SGMS1: variants seen among roughly 807,000 people sequenced by gnomAD.
SGMS1 encodes the protein sphingomyelin synthase 1.
SGMS1 carries 13 observed loss-of-function variants against 46.2 expected under a neutral mutation model. The ratio of observed to expected loss-of-function variants is 0.28; its 90% CI spans 0.18 to 0.45. The LOEUF (loss-of-function observed/expected upper bound fraction) is 0.45. SGMS1 is among the 20% of genes least tolerant of loss of function. SGMS1 has a pLI of 1.00. For synonymous variants in SGMS1, 203 were observed against 187.8 expected, an observed-to-expected ratio of 1.08 and a Z score of -0.66; for missense variants, 324 against 519.9, an observed-to-expected ratio of 0.62 and a Z score of 3.66.
At chr10:50,594,298 T>G (rs1461085199) in intron 1 of SGMS1, among the ~76,000 whole-genome samples, 1 of 152,150 alleles carries the variant, frequency 6.6e-6, no homozygotes, top group African/African-American at 2.4e-5. Flanking sequence ...TGGGTATAAG[T>G]CAAATTTGAT....
chr10:50,510,077 C>T (rs1301129015), intron 3 of SGMS1, among the ~76,000 whole-genome samples: 1 of 152,150 alleles, frequency 6.6e-6, no homozygotes, highest in Non-Finnish European at 1.5e-5. Flanking sequence ...ATCACATGCT[C>T]CTGGCAGTCA....
chr10:50,583,590 G>GT (rs1248136814), intron 2 of SGMS1, among the ~76,000 whole-genome samples: 1 of 152,206 alleles, frequency 6.6e-6, no homozygotes, highest in Non-Finnish European at 1.5e-5. Flanking sequence ...GAAGCTGCTA[G>GT]AAGTCTCCAT....
At chr10:50,404,518 GC>G (rs929014430) in intron 6 of SGMS1, among the ~76,000 whole-genome samples, 1 of 152,048 alleles carries the variant, frequency 6.6e-6, no homozygotes, top group African/African-American at 2.4e-5. Flanking sequence ...AGCGAGCATT[GC>G]TTGAGCCCAC....
chr10:50,500,174 AAACT>A (rs367770169), intron 3 of SGMS1, among the ~76,000 whole-genome samples: 1 of 152,292 alleles, frequency 6.6e-6, no homozygotes, highest in Non-Finnish European at 1.5e-5. Flanking sequence ...TCTCAAAAAC[AAACT>A]AACAAACAAA....
intron 7 of SGMS1, chr10:50,335,033 C>T (rs1188395749): frequency 2.0e-5 from 3 of 152,040 alleles, no homozygotes; most frequent in Admixed American, 6.6e-5. Context: ...GGGAGGACCT[C>T]GTAGGTCACC....
At chr10:50,583,968 T>A (rs1159733314) in intron 2 of SGMS1, among the ~76,000 whole-genome samples, 1 of 152,208 alleles carries the variant, frequency 6.6e-6, no homozygotes, top group African/African-American at 2.4e-5. Flanking sequence ...ACAAGGAATC[T>A]GGCCTATCAA....
chr10:50,591,039 A>G (rs984257781), intron 1 of SGMS1, among the ~76,000 whole-genome samples: 11 of 152,200 alleles, frequency 7.2e-5, no homozygotes, highest in African/African-American at 2.4e-4. Flanking sequence ...AAAGGTATTC[A>G]GATCCAATCT....
chr10:50,368,887 A>G (rs1047629856), intron 6 of SGMS1, among the ~76,000 whole-genome samples: 2 of 152,198 alleles, frequency 1.3e-5, no homozygotes, highest in Non-Finnish European at 2.9e-5. Flanking sequence ...TAAATACTTT[A>G]CTCTTAGAAA....
intron 6 of SGMS1, among the ~76,000 whole-genome samples, chr10:50,384,878 A>G (rs1848660367): frequency 6.6e-6 from 1 of 152,208 alleles, no homozygotes; most frequent in African/African-American, 2.4e-5. Flanking sequence ...GATCAAAACC[A>G]AGGAATTAAC....
At chr10:50,461,127 A>G (rs1055959645) in intron 4 of SGMS1, among the ~76,000 whole-genome samples, 2 of 152,206 alleles carry the variant, frequency 1.3e-5, no homozygotes, top group African/African-American at 2.4e-5. Flanking sequence ...CTCCTTTTAT[A>G]TATTTATCTA....
chr10:50,454,050 CAAAAAA>C (rs71846628), intron 5 of SGMS1, among the ~76,000 whole-genome samples: 4 of 98,016 alleles, frequency 4.1e-5, no homozygotes, highest in African/African-American at 1.1e-4. Context: ...TTTACATAGG[CAAAAAA>C]AAAAAAAAAA....
intron 3 of SGMS1, among the ~76,000 whole-genome samples, chr10:50,501,202 C>T (rs1461184930): frequency 1.3e-5 from 2 of 152,140 alleles, no homozygotes; most frequent in Admixed American, 6.5e-5. Flanking sequence ...GCCCCCTAAT[C>T]CTACTTGGAG....
chr10:50,436,174 G>A (rs1218291351), intron 5 of SGMS1, among the ~76,000 whole-genome samples: 3 of 151,960 alleles, frequency 2.0e-5, no homozygotes, highest in African/African-American at 4.8e-5. Flanking sequence ...GCACTATCTC[G>A]GCTCACTGCA....
chr10:50,539,608 T>G (rs1838034466), intron 2 of SGMS1, among the ~76,000 whole-genome samples: 1 of 152,228 alleles, frequency 6.6e-6, no homozygotes, highest in African/African-American at 2.4e-5. Context: ...TCTCAAATTC[T>G]GATTCAGTAA....
At chr10:50,515,224 C>G (rs1837790863) in intron 3 of SGMS1, among the ~76,000 whole-genome samples, 1 of 152,188 alleles carries the variant, frequency 6.6e-6, no homozygotes, top group South Asian at 2.1e-4. Context: ...GACACAGGAA[C>G]ACTGCTCTGG....
chr10:50,464,855 A>G (rs1837311307), intron 4 of SGMS1, among the ~76,000 whole-genome samples: 1 of 152,228 alleles, frequency 6.6e-6, no homozygotes, highest in Non-Finnish European at 1.5e-5. Context: ...GGAGGGAGTT[A>G]GAACCCCAGA....
chr10:50,459,730 T>C (rs1307099037), intron 5 of SGMS1, among the ~76,000 whole-genome samples: 1 of 152,150 alleles, frequency 6.6e-6, no homozygotes, highest in Non-Finnish European at 1.5e-5. Context: ...AAAACTCTGC[T>C]TCAAAAAGGG....
intron 1 of SGMS1, among the ~76,000 whole-genome samples, chr10:50,598,220 G>T (rs1160917136): frequency 6.6e-6 from 1 of 151,916 alleles, no homozygotes; most frequent in East Asian, 1.9e-4. Context: ...ACAGGACAGA[G>T]AGAGATGACT....
At position 50,544,278 on chromosome 10, in the gene SGMS1, G is replaced by A. The variant is rs1383206301; in HGVS notation, c.-588-24357C>T. Among the ~76,000 whole-genome samples, 5 of 152,142 alleles carry A rather than the reference G, an allele frequency of 3.3e-5. No individual in the cohort carries two copies. The East Asian group carries it at 9.6e-4, about 29-fold the overall frequency. ...GATGAGGAAACTGAAGCCCAGAAAG[G>A]TAAAGTAAGGTGACTAAGTCACACA... is the stretch of plus-strand genomic sequence containing the variant. On this transcript the variant is annotated intron_variant, in intron 2 of 10. Coordinates refer to ENST00000361781, the MANE Select transcript of SGMS1 (RefSeq NM_147156.4).
Sources: gnomAD v4.1 joint callset for allele counts (sites outside exome capture counted in the v4.1 genomes callset) on GRCh38, gnomAD v4.1.1 for gene constraint, MANE v1.5 for transcripts, NCBI Gene and HGNC (gene_info 2026-07-23, HGNC 2026-07-21) for gene names.